The following LIMD1 variants were observed in gnomAD, a reference collection of about 807,000 sequenced individuals.
LIMD1 encodes LIM domain-containing protein 1.
In LIMD1, 23 loss-of-function variants were observed where a neutral mutation model predicts 58.4. The observed-to-expected ratio is 0.39, with a 90% confidence interval of 0.28 to 0.56. LIMD1 has a LOEUF of 0.56. Among genes scored for constraint, LIMD1 ranks in the 20% least tolerant of loss-of-function variants. LIMD1 has a pLI of 0.57. For synonymous variants in LIMD1, 334 were observed against 345.5 expected (o/e 0.97, Z 0.37); for missense variants, 838 against 855.5 (o/e 0.98, Z 0.25).
At chr3:45,613,807 CTT>C (rs1483315618) in intron 1 of LIMD1, among the ~76,000 whole-genome samples, 1 of 152,000 alleles carries the variant, frequency 6.6e-6, no homozygotes, top group Non-Finnish European at 1.5e-5. Flanking sequence ...ATGTACAAGT[CTT>C]TGTATAGACA....
chr3:45,681,050 A>AG lies in LIMD1; in HGVS notation c.*3991_*3992insG, dbSNP rs1209862850. 6.6e-6 allele frequency: 1 copy of AG among 152,048 alleles called. No individual in the cohort carries two copies. Among genetic ancestry groups the AG allele is most frequent in the Non-Finnish European group, 1.5e-5 (1 of 68,008 alleles). 9.4% of individuals were successfully genotyped at this position (152,048 alleles called of 1,614,324 possible). A position where few individuals can be genotyped will look rare whatever the true frequency, so the allele number is the denominator to read the frequency against. On this transcript the variant is annotated 3_prime_UTR_variant, in exon 8 of 8. Transcript: ENST00000273317. Reference sequence around the variant, plus strand: ...AGTAACAGAAAAAAGAGTGAAATATATTAGCTATCTTTTATTCTGAGCCAA... The same window carrying AG: ...AGTAACAGAAAAAAGAGTGAAATATAGTTAGCTATCTTTTATTCTGAGCCAA...
chr3:45,670,826 T>G (rs2125670138), intron 4 of LIMD1, among the ~76,000 whole-genome samples: 1 of 152,300 alleles, frequency 6.6e-6, no homozygotes, highest in East Asian at 1.9e-4. Context: ...CTTGAAAACT[T>G]TTAGTGAATG....
intron 4 of LIMD1, among the ~76,000 whole-genome samples, chr3:45,672,060 A>G (rs1697591570): frequency 6.6e-6 from 1 of 152,124 alleles, no homozygotes; most frequent in South Asian, 2.1e-4. Context: ...CTTTCCCTCT[A>G]TTGCGTTTAA....
At chr3:45,614,697 T>G (rs2125652079) in intron 1 of LIMD1, among the ~76,000 whole-genome samples, 1 of 150,686 alleles carries the variant, frequency 6.6e-6, no homozygotes, top group African/African-American at 2.4e-5. Context: ...CATTCCAGCC[T>G]GGGCAACAGA....
At chr3:45,624,485 A>C (rs1474381922) in intron 1 of LIMD1, among the ~76,000 whole-genome samples, 1 of 152,126 alleles carries the variant, frequency 6.6e-6, no homozygotes, top group Non-Finnish European at 1.5e-5. Flanking sequence ...AGGTGGGCGG[A>C]TCATGAGGTC....
intron 1 of LIMD1, among the ~76,000 whole-genome samples, chr3:45,610,150 T>C (rs1164651190): frequency 6.6e-6 from 1 of 152,126 alleles, no homozygotes; most frequent in East Asian, 1.9e-4. Flanking sequence ...TGCCACTGCA[T>C]TCCAGCCTGG....
rs1304309701 is a variant in LIMD1, at chr3:45,595,621, A to T, written c.742A>T (p.Asn248Tyr). Residue 248 changes from asparagine (N) to tyrosine (Y), a missense_variant, in exon 1 of 8, where the codon AAT becomes TAT. Physicochemically the swap from Asn to Tyr is moderately radical, Grantham distance 143. Around this residue, in one of 3 missense-constraint regions of LIMD1, gnomAD observed 659 missense variants for 639.8 expected, o/e 1.03. Transcript: ENST00000273317. ...TTCTGAGGGTAGCCTCGGTGGTCAG[A>T]ATAGTGGCATTGGTGGCCGCAGCAG... ...RSSEGSLGGQ[N>Y]SGIGGRSSEK... 1.9e-6 allele frequency: 3 copies of T among 1,612,890 alleles called. No homozygotes were observed. Among genetic ancestry groups the T allele is most frequent in the Admixed American group, 1.7e-5 (1 of 59,944 alleles).
At chr3:45,666,878 G>A (rs990528032) in intron 3 of LIMD1, among the ~76,000 whole-genome samples, 2 of 152,214 alleles carry the variant, frequency 1.3e-5, no homozygotes, top group Non-Finnish European at 2.9e-5. Context: ...GATGGGCTCA[G>A]GGCCAGCTTC....
At chr3:45,639,059 G>T (rs1004026169) in intron 2 of LIMD1, among the ~76,000 whole-genome samples, 1 of 152,166 alleles carries the variant, frequency 6.6e-6, no homozygotes, top group African/African-American at 2.4e-5. Flanking sequence ...TGTAGAGACA[G>T]AGGTCTCGCT....
intron 2 of LIMD1, among the ~76,000 whole-genome samples, chr3:45,657,991 T>G (rs545596197): frequency 6.6e-6 from 1 of 152,332 alleles, no homozygotes; most frequent in South Asian, 2.1e-4. Flanking sequence ...TGTGAGTTTC[T>G]TCCGTAAAAG....
intron 1 of LIMD1, among the ~76,000 whole-genome samples, chr3:45,617,177 G>C (rs1411307601): frequency 6.6e-6 from 1 of 151,690 alleles, no homozygotes; most frequent in African/African-American, 2.4e-5. Flanking sequence ...GGGACTACAG[G>C]TGTGTGCCAC....
At chr3:45,639,461 C>G (rs148256753) in intron 2 of LIMD1, among the ~76,000 whole-genome samples, 2 of 152,112 alleles carry the variant, frequency 1.3e-5, no homozygotes, top group African/African-American at 4.8e-5. Flanking sequence ...TCTCACAGTT[C>G]TAGATGCTGG....
chr3:45,614,232 C>T (rs953216118), intron 1 of LIMD1, among the ~76,000 whole-genome samples: 4 of 151,912 alleles, frequency 2.6e-5, no homozygotes, highest in Admixed American at 1.3e-4. Context: ...TTCTCTAGTA[C>T]AGAAATCCTC....
In LIMD1 at chr3:45,595,552, C is replaced by T. The variant is rs1004863146; in HGVS notation, c.673C>T (p.His225Tyr). The T allele has an allele frequency of 6.2e-7, 1 of 1,614,122 alleles. No homozygotes were observed. The highest frequency in any genetic ancestry group is 1.3e-5 in the African/African-American group (1 of 75,048). ...ACCACTGCCCAAACCCTGCGGGGAC[C>T]ATCCCCTAAATCACCGACAGCTCTC... ...DPPLPKPCGDHPLNHRQLSLS... is the reference protein window; with the variant it reads ...DPPLPKPCGDYPLNHRQLSLS... The change falls in exon 1 of 8, where the codon CAT becomes TAT. Residue 225 changes from histidine to tyrosine, a missense_variant. Coordinates refer to ENST00000273317, the MANE Select transcript of LIMD1 (RefSeq NM_014240.3).
At chr3:45,634,248 T>G (rs1006718235) in intron 1 of LIMD1, among the ~76,000 whole-genome samples, 1 of 152,222 alleles carries the variant, frequency 6.6e-6, no homozygotes, top group Non-Finnish European at 1.5e-5. Context: ...TTTAATATAT[T>G]CCTCCGTGAA....
intron 1 of LIMD1, among the ~76,000 whole-genome samples, chr3:45,600,686 G>A (rs190382505): frequency 6.6e-5 from 10 of 152,296 alleles, no homozygotes; most frequent in Admixed American, 2.0e-4. Context: ...AGAGGGCACC[G>A]TGCCTTTGTT....
chr3:45,606,079 A>T (rs1701465433), intron 1 of LIMD1, among the ~76,000 whole-genome samples: 1 of 152,236 alleles, frequency 6.6e-6, no homozygotes, highest in African/African-American at 2.4e-5. Context: ...AAATTGGTCT[A>T]GCAGTTTCTC....
chr3:45,601,014 T>C (rs1299112400), intron 1 of LIMD1, among the ~76,000 whole-genome samples: 1 of 152,248 alleles, frequency 6.6e-6, no homozygotes, highest in South Asian at 2.1e-4. Context: ...CAGTGAGATA[T>C]GATCATGCCA....
chr3:45,608,540 T>C (rs1388297789), intron 1 of LIMD1, among the ~76,000 whole-genome samples: 1 of 152,072 alleles, frequency 6.6e-6, no homozygotes, highest in Non-Finnish European at 1.5e-5. Flanking sequence ...GCCCTGTCTC[T>C]AAGAAGTAAG....
Sources: gnomAD v4.1 joint callset for allele counts (sites outside exome capture counted in the v4.1 genomes callset) on GRCh38, gnomAD v4.1.1 for gene constraint, gnomAD v4.1.1 regional missense constraint, MANE v1.5 for transcripts, NCBI Gene and HGNC (gene_info 2026-07-23, HGNC 2026-07-21) for gene names.